Variants in IFT52 observed in about 807,000 individuals in gnomAD.
IFT52 encodes intraflagellar transport protein 52 homolog.
IFT52 carries 44 observed loss-of-function variants against 54.4 expected under a neutral mutation model. That is an observed-to-expected ratio of 0.81 (90% confidence interval 0.63 to 1.04). IFT52 has a LOEUF of 1.04. Ranked by LOEUF, IFT52 falls within the 50% of genes least tolerant of loss-of-function variation. IFT52 has a pLI of 0.00. For missense variants in IFT52, 452 were observed against 523.6 expected (o/e 0.86, Z 1.33); for synonymous variants, 181 against 185.3 (o/e 0.98, Z 0.19).
intron 6 of IFT52, among the ~76,000 whole-genome samples, chr20:43,610,611 C>A (rs1365854994): frequency 6.6e-6 from 1 of 150,918 alleles, no homozygotes. Flanking sequence ...TGGTGGCGGG[C>A]ACCTGTAGTC....
At chr20:43,599,955 C>A (rs1249538923) in intron 3 of IFT52, among the ~76,000 whole-genome samples, 2 of 151,998 alleles carry the variant, frequency 1.3e-5, no homozygotes, top group Non-Finnish European at 2.9e-5. Context: ...ATCTAACCCA[C>A]CACCATTAAA....
rs1414094830 is a variant in IFT52, at chr20:43,636,550, A to G, written c.1011+537A>G. Among the ~76,000 whole-genome samples the G allele has an allele frequency of 3.9e-5, 6 of 152,202 alleles. No homozygotes were observed. The East Asian group carries it at 9.6e-4, about 24-fold the overall frequency. On this transcript the variant is annotated intron_variant, in intron 11 of 13. Coordinates refer to ENST00000373030, the MANE Select transcript of IFT52 (RefSeq NM_016004.5). The stretch of plus-strand genomic sequence containing the variant: ...GGTGAGAGGATTTACATTACAGAAA[A>G]TGGTAAATGCTACAAAACAGGCCTT...
rs1383629650 is a variant in IFT52 at position 43,623,950 on chromosome 20, T to C, written c.828T>C (p.Cys276=). ...CCCTATCAAAGCGGAATCGAGAGTGTCTCCAGGAGAGTGATGAGATCCCAA... is the reference window on the plus strand; with the variant it reads ...CCCTATCAAAGCGGAATCGAGAGTGCCTCCAGGAGAGTGATGAGATCCCAA... ...TATLSKRNRE[C]LQESDEIPRD... is the part of the protein sequence containing the mutation. The change falls in exon 10 of 14, where the codon TGT becomes TGC. Residue 276 remains cysteine (C), a synonymous_variant. Coordinates refer to ENST00000373030, the MANE Select transcript of IFT52 (RefSeq NM_016004.5). 3.1e-6 allele frequency: 5 copies of C among 1,614,040 alleles called. No homozygotes were observed. Among genetic ancestry groups the C allele is most frequent in the Non-Finnish European group, 4.2e-6 (5 of 1,179,998 alleles).
intron 10 of IFT52, among the ~76,000 whole-genome samples, chr20:43,630,353 A>G (rs545539493): frequency 6.6e-6 from 1 of 152,198 alleles, no homozygotes; most frequent in Non-Finnish European, 1.5e-5. Flanking sequence ...GGAACTGCCT[A>G]CTGTCTTAGT....
intron 11 of IFT52, among the ~76,000 whole-genome samples, chr20:43,636,897 A>G (rs943392471): frequency 1.3e-5 from 2 of 152,122 alleles, no homozygotes; most frequent in African/African-American, 2.4e-5. Flanking sequence ...GTATGGGTCT[A>G]ATGGGTGAGG....
At chr20:43,614,200 C>T (rs1204145501) in intron 7 of IFT52, among the ~76,000 whole-genome samples, 1 of 151,896 alleles carries the variant, frequency 6.6e-6, no homozygotes, top group Non-Finnish European at 1.5e-5. Context: ...ATTCTAAACC[C>T]GAAGCTTTTC....
chr20:43,608,978 A>G (rs372830388), intron 6 of IFT52, among the ~76,000 whole-genome samples: 2 of 152,148 alleles, frequency 1.3e-5, no homozygotes, highest in East Asian at 1.9e-4. Flanking sequence ...GCTCACACCT[A>G]TAATCCCAGC....
Position 43,636,003 on chromosome 20 carries a change from T to G in IFT52, c.1001T>G (p.Leu334Arg), listed in dbSNP as rs747911412. 2.3e-5 allele frequency: 37 copies of G among 1,614,024 alleles called. No homozygotes were observed. In the Admixed American group the frequency reaches 2.5e-4, roughly 11 times the overall value. Residue 334 changes from leucine (L) to arginine (R), a missense_variant, in exon 11 of 14, where the codon CTT becomes CGT. Coordinates refer to ENST00000373030, the MANE Select transcript of IFT52 (RefSeq NM_016004.5). ...CAGTTTGAGACGCCGCTGCCAACCC[T>G]TCAGCCTGCGGTGAGTAGGTGTGCT... ...QPQFETPLPT[L>R]QPAVFPPSFR...
intron 1 of IFT52, 50 bp from the exon 2 acceptor site, chr20:43,594,643 T>A: frequency 3.0e-6 from 3 of 1,001,958 alleles, no homozygotes; most frequent in Non-Finnish European, 4.8e-6. Context: ...ACTTTTAGGG[T>A]CTTTGGAATA....
chr20:43,617,469 A>C (rs2145628490), intron 7 of IFT52, among the ~76,000 whole-genome samples: 1 of 150,718 alleles, frequency 6.6e-6, no homozygotes, highest in East Asian at 1.9e-4. Context: ...TTTGAGACGG[A>C]GTCTCACTCT....
At chr20:43,616,369 C>T (rs1473022328) in intron 7 of IFT52, among the ~76,000 whole-genome samples, 1 of 151,744 alleles carries the variant, frequency 6.6e-6, no homozygotes, top group Non-Finnish European at 1.5e-5. Flanking sequence ...ATTAGCCCAG[C>T]ATGATGGTGA....
Position 43,613,890 on chromosome 20 carries a change from G to A in IFT52, c.526G>A (p.Val176Ile). The A allele has an allele frequency of 6.2e-7, 1 of 1,614,058 alleles. No homozygotes were observed. Among genetic ancestry groups the A allele is most frequent in the Non-Finnish European group, 8.5e-7 (1 of 1,179,904 alleles). Reference protein sequence around the residue: ...FVYPFGATLSVMKPAVAVLST... With the variant: ...FVYPFGATLSIMKPAVAVLST... ...GTATCCTTTTGGTGCCACATTGAGT[G>A]TCATGAAACCAGCAGTGGCGGTTCT... The change falls in exon 7 of 14, where the codon GTC becomes ATC. Residue 176 changes from valine to isoleucine, a missense_variant. Transcript: ENST00000373030.
At chr20:43,607,726 C>T (rs1387499091) in intron 6 of IFT52, among the ~76,000 whole-genome samples, 1 of 151,910 alleles carries the variant, frequency 6.6e-6, no homozygotes, top group Non-Finnish European at 1.5e-5. Context: ...AGAGACGCTC[C>T]TCACTTCCCA....
chr20:43,595,438 G>T (rs974360694), intron 2 of IFT52, among the ~76,000 whole-genome samples: 1 of 151,452 alleles, frequency 6.6e-6, no homozygotes, highest in Non-Finnish European at 1.5e-5. Flanking sequence ...GGTCCCAGCT[G>T]CTCGGGAGGC....
intron 2 of IFT52, among the ~76,000 whole-genome samples, chr20:43,595,281 C>T (rs1042875143): frequency 3.6e-5 from 5 of 140,176 alleles, no homozygotes; most frequent in East Asian, 2.2e-4. Flanking sequence ...TGTGCCACTG[C>T]GCTCCAGCCT....
chr20:43,624,047 T>A lies in IFT52; in HGVS notation c.923+2T>A. The A allele has an allele frequency of 6.2e-7, 1 of 1,613,910 alleles. No homozygotes were observed. Among genetic ancestry groups the A allele is most frequent in the Non-Finnish European group, 8.5e-7 (1 of 1,179,912 alleles). ...CACCTCCTTCCACAGCGTCATCGAG[T>A]CAGTACCTGTGGGCCTCTGAGCCAC... is the stretch of plus-strand genomic sequence containing the variant. On this transcript the variant is annotated splice_donor_variant, in intron 10 of 13. Transcript: ENST00000373030. LOFTEE classifies it high-confidence loss of function.
chr20:43,632,731 C>T (rs1241851028), intron 10 of IFT52, among the ~76,000 whole-genome samples: 3 of 152,124 alleles, frequency 2.0e-5, no homozygotes, highest in African/African-American at 4.8e-5. Context: ...TGAGTGAGCA[C>T]GCAGAAGTGC....
At chr20:43,595,533 G>A (rs921142542) in intron 2 of IFT52, among the ~76,000 whole-genome samples, 11 of 151,336 alleles carry the variant, frequency 7.3e-5, no homozygotes, top group African/African-American at 2.7e-4. Flanking sequence ...TGGTGACAGA[G>A]CGAGACTCTG....
In IFT52 at chr20:43,620,878, A is replaced by G; in HGVS notation, c.721A>G (p.Thr241Ala). ...KIMDVVFQWL[T>A]TGDIHLNQID... is the part of the protein sequence containing the mutation. ...TTAGGATGTTGTTTTCCAGTGGCTC[A>G]CGACAGGAGACATCCACCTAAACCA... The change falls in exon 9 of 14, where the codon ACG becomes GCG. Residue 241 changes from threonine (T) to alanine (A), a missense_variant. By Grantham distance (58) the Thr-to-Ala change is moderately conservative. Transcript: ENST00000373030. The G allele has an allele frequency of 1.2e-6, 2 of 1,611,630 alleles. No individual in the cohort carries two copies. Among genetic ancestry groups the G allele is most frequent in the Non-Finnish European group, 1.7e-6 (2 of 1,179,016 alleles).
Sources: allele counts gnomAD v4.1 joint callset (sites outside exome capture counted in the v4.1 genomes callset), GRCh38; gene constraint gnomAD v4.1.1; transcripts MANE v1.5; gene names NCBI Gene and HGNC (gene_info 2026-07-23, HGNC 2026-07-21).